TLN2: variants seen among roughly 807,000 people sequenced by gnomAD.
The protein encoded by TLN2 is talin-2.
A neutral mutation model predicts 294.7 loss-of-function variants in TLN2; 118 were observed. The observed-to-expected ratio is 0.40, with a 90% confidence interval of 0.34 to 0.47. The LOEUF is 0.47. Ranked by LOEUF, TLN2 falls within the 20% of genes least tolerant of loss-of-function variation. TLN2 has a pLI of 0.84. For missense variants in TLN2, 3,083 were observed against 3,282.2 expected (o/e 0.94, Z 1.48); for synonymous variants, 1,431 against 1,304.5 (o/e 1.10, Z -2.09).
At chr15:62,561,171 T>A (rs994178785) in intron 1 of TLN2, among the ~76,000 whole-genome samples, 4 of 152,132 alleles carry the variant, frequency 2.6e-5, no homozygotes, top group African/African-American at 7.2e-5. Flanking sequence ...ATAATAGGAC[T>A]TGCACCTAAT....
intron 1 of TLN2, among the ~76,000 whole-genome samples, chr15:62,586,999 A>G (rs566189796): frequency 6.6e-6 from 1 of 152,378 alleles, no homozygotes; most frequent in South Asian, 2.1e-4. Context: ...AGAGAAAGAT[A>G]GATGGGATTC....
At chr15:62,634,836 T>TGGTAAAG (rs2050230756) in intron 3 of TLN2, among the ~76,000 whole-genome samples, 2 of 152,264 alleles carry the variant, frequency 1.3e-5, no homozygotes, top group African/African-American at 4.8e-5. Context: ...CCACATGGCT[T>TGGTAAAG]TCTGTAGTAA....
chr15:62,469,849 A>G (rs1288037775), intron 1 of TLN2, among the ~76,000 whole-genome samples: 2 of 152,104 alleles, frequency 1.3e-5, no homozygotes, highest in African/African-American at 4.8e-5. Flanking sequence ...TCAATATGTC[A>G]CCTTCTTCAA....
chr15:62,653,685 C>G (rs902302256), intron 7 of TLN2, among the ~76,000 whole-genome samples: 4 of 151,448 alleles, frequency 2.6e-5, no homozygotes, highest in Non-Finnish European at 5.9e-5. Flanking sequence ...TGAGGTCGCA[C>G]CATTGCACTC....
intron 19 of TLN2, among the ~76,000 whole-genome samples, chr15:62,704,608 A>G (rs2058939837): frequency 6.6e-6 from 1 of 152,228 alleles, no homozygotes; most frequent in South Asian, 2.1e-4. Context: ...GTGCAATAAG[A>G]CATTCAATGT....
At chr15:62,713,065 C>G (rs558875382) in intron 22 of TLN2, among the ~76,000 whole-genome samples, 1 of 144,492 alleles carries the variant, frequency 6.9e-6, no homozygotes, top group East Asian at 1.9e-4. Context: ...GTCAGGAGTT[C>G]GAGACCAACC....
chr15:62,491,380 AC>A (rs2038717317), intron 1 of TLN2, among the ~76,000 whole-genome samples: 1 of 129,572 alleles, frequency 7.7e-6, no homozygotes, highest in African/African-American at 3.2e-5. Flanking sequence ...ACACACACAC[AC>A]ACACACACAC....
rs143008003 is a variant in TLN2 at position 62,746,724 on chromosome 15, C to T, written c.4026-1627C>T. ...ATGTGCCTATTTTATTTTTGTTTAA[C>T]TTGCCAAAGCTGCAGTGGTTAGAAA... On this transcript the variant is annotated intron_variant, in intron 32 of 58. Coordinates refer to ENST00000636159, the MANE Select transcript of TLN2 (RefSeq NM_015059.3). 1.9e-4 allele frequency among the ~76,000 whole-genome samples: 29 copies of T among 152,266 alleles called. No homozygotes were observed. In the East Asian group the frequency reaches 4.4e-3, roughly 23 times the overall value.
Position 62,763,533 on chromosome 15 carries a change from C to G in TLN2, c.4962-30C>G, listed in dbSNP as rs750696925. On this transcript the variant is annotated intron_variant, in intron 39 of 58. Coordinates refer to ENST00000636159, the MANE Select transcript of TLN2 (RefSeq NM_015059.3). Reference sequence around the variant, plus strand: ...GCTGTGGGACTTGAGCCCCATGGAGCCTGTGTCCAACTTGCACTATTCCTT... The same window carrying G: ...GCTGTGGGACTTGAGCCCCATGGAGGCTGTGTCCAACTTGCACTATTCCTT... 5 of 1,581,718 alleles carry G rather than the reference C, an allele frequency of 3.2e-6. No individual in the cohort carries two copies. The African/African-American group carries it at 5.4e-5, about 17-fold the overall frequency.
intron 9 of TLN2, 197 bp downstream of exon 9, chr15:62,658,095 C>A: frequency 2.2e-6 from 1 of 458,320 alleles, no homozygotes; most frequent in Non-Finnish European, 3.8e-6. Flanking sequence ...GTTTCTTTTG[C>A]TGAATAGAAA....
At chr15:62,726,965 G>T in intron 27 of TLN2, 122 bp from the exon 28 acceptor site, 5 of 984,512 alleles carry the variant, frequency 5.1e-6, no homozygotes, top group South Asian at 3.2e-5. Flanking sequence ...GCGGCTTAGT[G>T]CCATTGGTGG....
intron 1 of TLN2, among the ~76,000 whole-genome samples, chr15:62,466,988 G>A (rs1231219127): frequency 6.6e-6 from 1 of 152,220 alleles, no homozygotes; most frequent in Non-Finnish European, 1.5e-5. Context: ...TGAAGAATTA[G>A]CCCTCCGTTT....
chr15:62,506,525 T>C (rs1185098624), intron 1 of TLN2, among the ~76,000 whole-genome samples: 1 of 152,236 alleles, frequency 6.6e-6, no homozygotes, highest in African/African-American at 2.4e-5. Context: ...CTGGCAAAGA[T>C]GAGAGCCCTC....
Position 62,719,839 on chromosome 15 carries a change from G to C in TLN2, c.2950G>C (p.Ala984Pro), listed in dbSNP as rs1414940813. The C allele has an allele frequency of 1.2e-6, 2 of 1,612,118 alleles. No individual in the cohort carries two copies. The highest frequency in any genetic ancestry group is 2.7e-5 in the African/African-American group (2 of 74,890). The change falls in exon 25 of 59, where the codon GCC (alanine) becomes CCC (proline). Residue 984 changes from alanine to proline, a missense_variant. Ala to Pro is a conservative substitution (Grantham distance 27). Transcript: ENST00000636159. ...GSQAQAEDLSAQLALIISSQN... is the reference protein window; with the variant it reads ...GSQAQAEDLSPQLALIISSQN... The stretch of plus-strand genomic sequence containing the variant: ...CCAAGCTCAAGCTGAAGACCTGAGT[G>C]CCCAGCTGGCTCTCATCATCTCCAG...
At chr15:62,726,456 G>C (rs1021794650) in intron 27 of TLN2, among the ~76,000 whole-genome samples, 3 of 152,086 alleles carry the variant, frequency 2.0e-5, no homozygotes, top group Non-Finnish European at 4.4e-5. Flanking sequence ...TTCGTTCCCT[G>C]AATTTTTTAT....
At position 62,796,078 on chromosome 15, in the gene TLN2, C is replaced by T. The variant is rs1406291698; in HGVS notation, c.5884-49C>T. The T allele has an allele frequency of 4.4e-6, 7 of 1,596,804 alleles. No individual in the cohort carries two copies. The Middle Eastern group carries it at 5.0e-4, about 115-fold the overall frequency. On this transcript the variant is annotated intron_variant, in intron 46 of 58. Coordinates refer to ENST00000636159, the MANE Select transcript of TLN2 (RefSeq NM_015059.3). ...TATTTTCAGAATCTGCTTTTAGGTC[C>T]TGTTCTCTCCATTTCTTAGCTCCCC...
chr15:62,802,553 C>G (rs867505231), intron 50 of TLN2, among the ~76,000 whole-genome samples: 13 of 152,298 alleles, frequency 8.5e-5, no homozygotes, highest in Middle Eastern at 3.4e-3. Context: ...GCAGATATCT[C>G]TTTAATAAAC....
intron 1 of TLN2, among the ~76,000 whole-genome samples, chr15:62,579,585 G>A (rs914850761): frequency 3.3e-5 from 5 of 152,126 alleles, no homozygotes; most frequent in African/African-American, 7.2e-5. Flanking sequence ...GTTGGCTCAC[G>A]GCATCAGGCA....
chr15:62,725,279 G>A (rs1243123635), intron 27 of TLN2, among the ~76,000 whole-genome samples, 175 bp downstream of exon 27: 1 of 152,182 alleles, frequency 6.6e-6, no homozygotes, highest in Admixed American at 6.5e-5. Flanking sequence ...GGAGTTATGA[G>A]CGCTGGATTC....
Sources: allele counts gnomAD v4.1 joint callset (sites outside exome capture counted in the v4.1 genomes callset), GRCh38; gene constraint gnomAD v4.1.1; transcripts MANE v1.5; gene names NCBI Gene and HGNC (gene_info 2026-07-23, HGNC 2026-07-21).